Variants in FAIM2 observed in about 807,000 individuals in gnomAD.
The protein encoded by FAIM2 is protein lifeguard 2.
Under a neutral mutation model 47.4 loss-of-function variants are expected in FAIM2, and 27 were observed. The observed-to-expected ratio is 0.57, with a 90% CI of 0.42 to 0.78. The LOEUF is 0.78. Among genes scored for constraint, FAIM2 ranks in the 30% least tolerant of loss-of-function variants. FAIM2 has a pLI of 0.00. For synonymous variants in FAIM2, 156 were observed against 159.3 expected, an observed-to-expected ratio of 0.98 and a Z score of 0.16; for missense variants, 311 against 389.4, an observed-to-expected ratio of 0.80 and a Z score of 1.69.
At chr12:49,879,417 AGTGTATGT>A (rs1565614027) in intron 11 of FAIM2, among the ~76,000 whole-genome samples, 1 of 113,954 alleles carries the variant, frequency 8.8e-6, no homozygotes, top group Non-Finnish European at 1.9e-5. Context: ...TGTGCATGTG[AGTGTATGT>A]GTGTATGTGC....
intron 10 of FAIM2, among the ~76,000 whole-genome samples, chr12:49,888,167 C>T (rs1946874733): frequency 6.6e-6 from 1 of 152,208 alleles, no homozygotes; most frequent in African/African-American, 2.4e-5. Flanking sequence ...GTGGCCCCTT[C>T]CTGTAACACT....
chr12:49,867,674 C>T lies in FAIM2; in HGVS notation c.*2830G>A, dbSNP rs1392391440. ...GCCCACCCCTTCCTGGGCCCAGCCC[C>T]ACCCAGGCCAAAAATGTGAAGGGCC... On this transcript the variant is annotated 3_prime_UTR_variant, in exon 12 of 12. Coordinates refer to ENST00000320634, the MANE Select transcript of FAIM2 (RefSeq NM_012306.4). 2.6e-5 allele frequency: 4 copies of T among 152,330 alleles called. No homozygotes were observed. Among genetic ancestry groups the T allele is most frequent in the African/African-American group, 9.7e-5 (4 of 41,446 alleles). The allele number at this position is 152,330 out of a possible 1,614,324, so 9.4% of individuals were successfully genotyped here. A position where few individuals can be genotyped will look rare whatever the true frequency, so the allele number is the denominator to read the frequency against.
Position 49,879,189 on chromosome 12 carries a change from CATGTGTATGT to C in FAIM2, c.801+8187_801+8196del, listed in dbSNP as rs758967150. Among the ~76,000 whole-genome samples, 27 of 113,718 alleles carry C rather than the reference CATGTGTATGT, an allele frequency of 2.4e-4. 4 individuals carry two copies. The highest frequency in any genetic ancestry group is 1.4e-3 in the South Asian group (4 of 2,962). The allele number at this position is 113,718 out of a possible 152,430, so 74.6% of individuals were successfully genotyped here. A position where few individuals can be genotyped will look rare whatever the true frequency, so the allele number is the denominator to read the frequency against. On this transcript the variant is annotated intron_variant, in intron 11 of 11. Coordinates refer to ENST00000320634, the MANE Select transcript of FAIM2 (RefSeq NM_012306.4). ...GTGTGTGCATGAGTGCATGTGTATG[CATGTGTATGT>C]ATGTGTATGAGTGTGTATGTGCATG...
rs1946983091 is a variant in FAIM2 at position 49,901,644 on chromosome 12, C to T, written c.16-319G>A. The T allele has an allele frequency of 2.3e-5, 6 of 255,416 alleles. No individual in the cohort carries two copies. The South Asian group carries it at 9.6e-4, about 41-fold the overall frequency. 15.8% of individuals were successfully genotyped at this position (255,416 alleles called of 1,614,324 possible). On this transcript the variant is annotated intron_variant, in intron 1 of 11. Transcript: ENST00000320634. ...GGGTCTCTATGGTTCCAGAAAAGAG[C>T]CTGGCACATAGTAGATTGTTACAAA... is the stretch of plus-strand genomic sequence containing the variant.
Position 49,901,140 on chromosome 12 carries a change from A to G in FAIM2, c.201T>C (p.Tyr67=), listed in dbSNP as rs297912. The part of the protein sequence containing the change: ...TAVPLHPSWA[Y]VDPSSSSSYD... ...AGCTGAAAGACTTACTGGGGTCCAC[A>G]TAGGCCCAGCTAGGGTGGAGAGGCA... The change falls in exon 2 of 12, where the codon TAT becomes TAC. Residue 67 remains tyrosine (Y), a synonymous_variant. Transcript: ENST00000320634. The G allele has an allele frequency of 5.1e-3, 8,075 of 1,595,698 alleles. 353 individuals carry two copies. In the African/African-American group the frequency reaches 0.095, roughly 19 times the overall value.
chr12:49,885,409 T>G (rs1049600974), intron 11 of FAIM2, among the ~76,000 whole-genome samples: 4 of 152,208 alleles, frequency 2.6e-5, no homozygotes, highest in African/African-American at 9.6e-5. Flanking sequence ...CAGGCGCTGT[T>G]GCCCAGACTA....
intron 11 of FAIM2, among the ~76,000 whole-genome samples, chr12:49,884,323 G>A (rs1369396677): frequency 6.6e-6 from 1 of 152,240 alleles, no homozygotes; most frequent in Non-Finnish European, 1.5e-5. Flanking sequence ...AGAGCCACTG[G>A]ACATAGTGAG....
chr12:49,871,669 CT>C (rs3049277), intron 11 of FAIM2, among the ~76,000 whole-genome samples: 32,371 of 141,274 alleles, frequency 0.23, 3,792 homozygotes, highest in East Asian at 0.37. Context: ...CTTTTCTTTT[CT>C]TTTTTTTTTT....
At position 49,870,543 on chromosome 12, in the gene FAIM2, G is replaced by A. The variant is rs1946694799; in HGVS notation, c.912C>T (p.Phe304=). Residue 304 remains phenylalanine, a synonymous_variant, in exon 12 of 12, where the codon TTC becomes TTT. Coordinates refer to ENST00000320634, the MANE Select transcript of FAIM2 (RefSeq NM_012306.4). The part of the protein sequence containing the change: ...LNIYLDIIYI[F]TFFLQLFGTN... ...TGCCAAAAAGCTGCAGGAAGAAGGT[G>A]AAGATATAGATGATGTCTAGGTAAA... The A allele has an allele frequency of 1.2e-6, 2 of 1,613,910 alleles. No homozygotes were observed. The highest frequency in any genetic ancestry group is 1.7e-6 in the Non-Finnish European group (2 of 1,179,914).
chr12:49,899,996 T>C (rs1458252390), intron 2 of FAIM2, among the ~76,000 whole-genome samples: 2 of 152,232 alleles, frequency 1.3e-5, no homozygotes, highest in African/African-American at 4.8e-5. Context: ...ACCTGAGGCC[T>C]GAAGACCCTT....
chr12:49,903,834 C>A lies in FAIM2; in HGVS notation c.-42G>T. On this transcript the variant is annotated 5_prime_UTR_variant, in exon 1 of 12. Transcript: ENST00000320634. ...GAAGGGGTCCCTGAGGCCCGGGTGG[C>A]CGCTTGGGTAACCGCAGCCTGCCTG... is the stretch of plus-strand genomic sequence containing the variant. 1 of 1,519,872 alleles carries A rather than the reference C, an allele frequency of 6.6e-7. No homozygotes were observed. Among genetic ancestry groups the A allele is most frequent in the Non-Finnish European group, 8.8e-7 (1 of 1,132,028 alleles). 94.1% of individuals were successfully genotyped at this position (1,519,872 alleles called of 1,614,324 possible).
chr12:49,887,309 A>G (rs1946868521), intron 11 of FAIM2, 77 bp downstream of exon 11: 1 of 1,315,848 alleles, frequency 7.6e-7, no homozygotes, highest in African/African-American at 1.5e-5. Context: ...GCTGTGAGGA[A>G]GATGGGAGGA....
chr12:49,877,315 C>A (rs1236542105), intron 11 of FAIM2, among the ~76,000 whole-genome samples: 3 of 152,222 alleles, frequency 2.0e-5, no homozygotes, highest in African/African-American at 7.2e-5. Flanking sequence ...GATCAGTCCA[C>A]CCACCCCAGC....
intron 6 of FAIM2, 66 bp from the exon 7 acceptor site, chr12:49,890,788 A>G (rs969823804): frequency 6.3e-6 from 9 of 1,425,792 alleles, no homozygotes; most frequent in Non-Finnish European, 6.9e-6. Context: ...AGGCTGTGAC[A>G]CTGTTGCAGG....
At chr12:49,880,221 T>C (rs1429535950) in intron 11 of FAIM2, among the ~76,000 whole-genome samples, 3 of 151,872 alleles carry the variant, frequency 2.0e-5, no homozygotes, top group African/African-American at 7.3e-5. Flanking sequence ...TGTGTGTATA[T>C]GTGCATGCAT....
At chr12:49,889,692 CT>C in intron 8 of FAIM2, 124 bp from the exon 9 acceptor site, 1 of 745,156 alleles carries the variant, frequency 1.3e-6, no homozygotes, top group Non-Finnish European at 2.3e-6. Context: ...GTCTGGTGCC[CT>C]TTCCCCAGAT....
chr12:49,872,647 A>G (rs550264678), intron 11 of FAIM2, among the ~76,000 whole-genome samples: 2 of 152,334 alleles, frequency 1.3e-5, no homozygotes, highest in South Asian at 4.1e-4. Context: ...ATTCCAGCAC[A>G]TGGGACATTG....
rs572967312 is a variant in FAIM2 at position 49,870,667 on chromosome 12, G to GGA, written c.802-16_802-15dup. The GGA allele has an allele frequency of 5.4e-5, 86 of 1,605,008 alleles. No homozygotes were observed. Among genetic ancestry groups the GGA allele is most frequent in the Middle Eastern group, 1.7e-4 (1 of 5,850 alleles). ...AAGTGCCAGGAACTGGGAGAAGTGAGGAGAGAGAGAGAGAGGTCAGAGGCC... is the reference window on the plus strand; with the variant it reads ...AAGTGCCAGGAACTGGGAGAAGTGAGGAGAGAGAGAGAGAGAGGTCAGAGGCC... On this transcript the variant is annotated splice_polypyrimidine_tract_variant and intron_variant, in intron 11 of 11. Coordinates refer to ENST00000320634, the MANE Select transcript of FAIM2 (RefSeq NM_012306.4).
chr12:49,897,764 A>ACCC (rs11378140), intron 3 of FAIM2, among the ~76,000 whole-genome samples, 181 bp from the exon 4 acceptor site: 35 of 149,980 alleles, frequency 2.3e-4, no homozygotes, highest in African/African-American at 6.9e-4. Flanking sequence ...AGCCAAGCGC[A>ACCC]CCCCCCCCCA....
Sources: allele counts gnomAD v4.1 joint callset (sites outside exome capture counted in the v4.1 genomes callset), GRCh38; gene constraint gnomAD v4.1.1; transcripts MANE v1.5; gene names NCBI Gene and HGNC (gene_info 2026-07-23, HGNC 2026-07-21).